The following ATXN7L1 variants were observed in gnomAD, a reference collection of about 807,000 sequenced individuals.
The protein encoded by ATXN7L1 is ataxin 7 like 1.
ATXN7L1 carries 15 observed loss-of-function variants against 70.8 expected under a neutral mutation model. The ratio of observed to expected loss-of-function variants is 0.21; its 90% CI spans 0.14 to 0.33. The LOEUF (loss-of-function observed/expected upper bound fraction) is 0.33. ATXN7L1 is among the 10% of genes least tolerant of loss of function. The pLI is 1.00. For synonymous variants in ATXN7L1, 440 were observed against 445.1 expected (o/e 0.99, Z 0.14); for missense variants, 975 against 1,097.1 (o/e 0.89, Z 1.57).
At chr7:105,689,318 G>C (rs976215880) in intron 3 of ATXN7L1, among the ~76,000 whole-genome samples, 1 of 152,314 alleles carries the variant, frequency 6.6e-6, no homozygotes, top group Middle Eastern at 3.4e-3. Context: ...ATATTGGCAG[G>C]CCAATGTCTG....
At chr7:105,828,966 AG>A (rs1304549964) in intron 2 of ATXN7L1, among the ~76,000 whole-genome samples, 8 of 152,224 alleles carry the variant, frequency 5.3e-5, no homozygotes, top group African/African-American at 1.9e-4. Context: ...TGCCTTTGAC[AG>A]GGTAAATGAA....
intron 10 of ATXN7L1, chr7:105,613,402 C>T: frequency 1.2e-6 from 1 of 866,766 alleles, no homozygotes; most frequent in Middle Eastern, 5.9e-4. Context: ...AGGTGGGACC[C>T]TGGGTCAGCA....
chr7:105,779,111 G>A (rs1253147554), intron 3 of ATXN7L1, among the ~76,000 whole-genome samples: 1 of 152,232 alleles, frequency 6.6e-6, no homozygotes, highest in Non-Finnish European at 1.5e-5. Context: ...ACATATAACT[G>A]ATGTAGTAGT....
intron 3 of ATXN7L1, among the ~76,000 whole-genome samples, chr7:105,768,388 C>T (rs978683046): frequency 1.3e-5 from 2 of 152,178 alleles, no homozygotes; most frequent in East Asian, 1.9e-4. Flanking sequence ...CTCTCCAGAT[C>T]GCTTTCTCTC....
At chr7:105,761,107 C>CCTTGG in intron 3 of ATXN7L1, 1 of 1,088,640 alleles carries the variant, frequency 9.2e-7, no homozygotes, top group Non-Finnish European at 1.1e-6. Context: ...AAGGCTTTTG[C>CCTTGG]AGTTGTCCAG....
At chr7:105,732,403 C>T (rs752784116) in intron 3 of ATXN7L1, among the ~76,000 whole-genome samples, 1 of 151,994 alleles carries the variant, frequency 6.6e-6, no homozygotes, top group Non-Finnish European at 1.5e-5. Context: ...ACAATAAAAG[C>T]CAAAATCTAA....
At chr7:105,692,432 C>CCCTCCTT (rs1563010018) in intron 3 of ATXN7L1, among the ~76,000 whole-genome samples, 19 of 96,202 alleles carry the variant, frequency 2.0e-4, no homozygotes, top group African/African-American at 8.2e-4. Context: ...CTTCCTCCCT[C>CCCTCCTT]CCTCCCTCCC....
At chr7:105,619,990 A>C (rs1354720404) in intron 9 of ATXN7L1, among the ~76,000 whole-genome samples, 1 of 152,270 alleles carries the variant, frequency 6.6e-6, no homozygotes, top group Non-Finnish European at 1.5e-5. Flanking sequence ...TCTCCAAAAA[A>C]GACAAAGCAT....
intron 7 of ATXN7L1, among the ~76,000 whole-genome samples, chr7:105,627,886 C>G (rs10250546): frequency 4.1e-5 from 6 of 145,134 alleles, no homozygotes; most frequent in Admixed American, 2.1e-4. Context: ...GCTCTGTCAC[C>G]CAGGCTGGAG....
intron 2 of ATXN7L1, among the ~76,000 whole-genome samples, chr7:105,824,097 C>T (rs989616592): frequency 1.3e-5 from 2 of 152,188 alleles, no homozygotes; most frequent in Admixed American, 6.5e-5. Context: ...CTGCCTCCAT[C>T]TGCTCTTAGA....
At chr7:105,768,324 G>T (rs1399187278) in intron 3 of ATXN7L1, among the ~76,000 whole-genome samples, 1 of 152,172 alleles carries the variant, frequency 6.6e-6, no homozygotes, top group African/African-American at 2.4e-5. Context: ...TCATAGCAAG[G>T]TTGCAAGGGA....
chr7:105,819,734 G>C, intron 2 of ATXN7L1: 2 of 787,326 alleles, frequency 2.5e-6, no homozygotes, highest in Non-Finnish European at 4.5e-6. Context: ...GCACCTTCCG[G>C]CTGACCTCGA....
At chr7:105,642,675 T>C (rs1332084096) in intron 5 of ATXN7L1, among the ~76,000 whole-genome samples, 163 bp downstream of exon 5, 1 of 152,234 alleles carries the variant, frequency 6.6e-6, no homozygotes. Flanking sequence ...GACCTGGTTT[T>C]CCCTTGCATT....
intron 2 of ATXN7L1, among the ~76,000 whole-genome samples, chr7:105,810,162 T>C (rs1808225219): frequency 6.6e-6 from 1 of 152,164 alleles, no homozygotes; most frequent in African/African-American, 2.4e-5. Context: ...GATACTGAAG[T>C]CACTGAGGAA....
intron 5 of ATXN7L1, among the ~76,000 whole-genome samples, chr7:105,642,481 T>A (rs13239673): frequency 6.6e-6 from 1 of 152,044 alleles, no homozygotes; most frequent in Admixed American, 6.5e-5. Flanking sequence ...GCAGTGAAGC[T>A]TCTATGGAAG....
chr7:105,822,371 A>G (rs1162518350), intron 2 of ATXN7L1, among the ~76,000 whole-genome samples: 1 of 152,240 alleles, frequency 6.6e-6, no homozygotes, highest in Non-Finnish European at 1.5e-5. Flanking sequence ...GGTACTGACT[A>G]GCTGCAGAAT....
At chr7:105,779,778 G>C (rs1220069671) in intron 3 of ATXN7L1, among the ~76,000 whole-genome samples, 4 of 152,166 alleles carry the variant, frequency 2.6e-5, no homozygotes, top group Non-Finnish European at 5.9e-5. Flanking sequence ...GTGAAATAAA[G>C]TTTGCACAGA....
At chr7:105,797,573 C>T (rs1294522628) in intron 2 of ATXN7L1, among the ~76,000 whole-genome samples, 1 of 152,224 alleles carries the variant, frequency 6.6e-6, no homozygotes, top group African/African-American at 2.4e-5. Flanking sequence ...TTTGGAAGCC[C>T]AAGTTCAAAT....
chr7:105,725,903 C>CTTTT lies in ATXN7L1; in HGVS notation c.356-60619_356-60616dup, dbSNP rs34850752. ...GCCTCCATTTCTTTTTTCTTTCTTT[C>CTTTT]TTTTTTTTTTTTTTTTTGAGACAGA... On this transcript the variant is annotated intron_variant, in intron 3 of 11. Transcript: ENST00000419735. Among the ~76,000 whole-genome samples, 5 of 130,732 alleles carry CTTTT rather than the reference C, an allele frequency of 3.8e-5. No individual in the cohort carries two copies. In the South Asian group the frequency reaches 9.7e-4, roughly 25 times the overall value. The allele number at this position is 130,732 out of a possible 152,430, so 85.8% of individuals were successfully genotyped here. A position where few individuals can be genotyped will look rare whatever the true frequency, so the allele number is the denominator to read the frequency against.
Sources: allele counts gnomAD v4.1 joint callset (sites outside exome capture counted in the v4.1 genomes callset), GRCh38; gene constraint gnomAD v4.1.1; transcripts MANE v1.5; gene names NCBI Gene and HGNC (gene_info 2026-07-23, HGNC 2026-07-21).